NASP: variants seen among roughly 807,000 people sequenced by gnomAD.
The protein encoded by NASP is NASP histone chaperone.
NASP carries 24 observed loss-of-function variants against 89.5 expected under a neutral mutation model. The ratio of observed to expected loss-of-function variants is 0.27; its 90% CI spans 0.19 to 0.38. NASP has a LOEUF of 0.38. NASP is among the 10% of genes least tolerant of loss of function. The probability of loss-of-function intolerance (pLI) is 1.00; values close to 1 mark genes in which losing one functional copy is unlikely to be tolerated. For synonymous variants in NASP, 306 were observed against 324.7 expected, an observed-to-expected ratio of 0.94 and a Z score of 0.62; for missense variants, 848 against 921.4, an observed-to-expected ratio of 0.92 and a Z score of 1.03.
Position 45,616,661 on chromosome 1 carries a change from A to T in NASP, c.2115A>T (p.Ser705=), listed in dbSNP as rs181558072. The change falls in exon 13 of 15, where the codon TCA becomes TCT. Residue 705 remains serine (S), a synonymous_variant. Transcript: ENST00000350030. The part of the protein sequence containing the change: ...ASRKPTDGAS[S]SNCVTDISHL... ...GAAAGCCAACAGACGGTGCTTCCTC[A>T]TCAAATTGTGTGACTGATATTTCCC... The T allele has an allele frequency of 6.2e-7, 1 of 1,614,214 alleles. No individual in the cohort carries two copies. Among genetic ancestry groups the T allele is most frequent in the Admixed American group, 1.7e-5 (1 of 60,030 alleles).
Position 45,605,774 on chromosome 1 carries a change from GTT to G in NASP, c.300-690_300-689del, listed in dbSNP as rs66530330. The G allele has an allele frequency of 4.2e-3, 547 of 129,506 alleles. 1 individual carries two copies. Among genetic ancestry groups the G allele is most frequent in the African/African-American group, 0.011 (385 of 33,978 alleles). The allele number at this position is 129,506 out of a possible 1,614,324, so 8.0% of individuals were successfully genotyped here. On this transcript the variant is annotated intron_variant, in intron 4 of 14. Transcript: ENST00000350030. The stretch of plus-strand genomic sequence containing the variant: ...ACTGCGCCTGGCCCAGTTCTGATAA[GTT>G]TTTTTTTTTTTTTTTTTAAGACGGA...
chr1:45,589,449 T>C (rs146326480), intron 1 of NASP, among the ~76,000 whole-genome samples: 82 of 152,198 alleles, frequency 5.4e-4, no homozygotes, highest in East Asian at 4.6e-3. Flanking sequence ...AAAACGGCCT[T>C]CTCCAAACAA....
chr1:45,607,238 G>T, intron 5 of NASP, 83 bp from the exon 6 acceptor site: 1 of 1,398,468 alleles, frequency 7.2e-7, no homozygotes, highest in South Asian at 1.3e-5. Flanking sequence ...AGGGTTTAAA[G>T]GGAATGTATT....
At chr1:45,591,342 T>C in intron 2 of NASP, 72 bp downstream of exon 2, 2 of 1,041,082 alleles carry the variant, frequency 1.9e-6, no homozygotes, top group Non-Finnish European at 2.8e-6. Context: ...TTTAAAGTTA[T>C]TTTTATTTTT....
intron 4 of NASP, chr1:45,605,774 G>GTTT: frequency 7.0e-5 from 9 of 129,396 alleles, no homozygotes; most frequent in East Asian, 6.9e-4. Context: ...GTTCTGATAA[G>GTTT]TTTTTTTTTT....
chr1:45,602,916 C>T (rs925024404), intron 3 of NASP, among the ~76,000 whole-genome samples: 8 of 152,206 alleles, frequency 5.3e-5, no homozygotes, highest in African/African-American at 1.7e-4. Flanking sequence ...CAGGCATGAG[C>T]CACTGAGCCC....
At chr1:45,608,808 A>G (rs1053135201) in intron 6 of NASP, among the ~76,000 whole-genome samples, 3 of 152,184 alleles carry the variant, frequency 2.0e-5, no homozygotes, top group African/African-American at 7.2e-5. Context: ...AGTAGAATCC[A>G]CTGAATTGGT....
rs1189008449 is a variant in NASP at position 45,588,673 on chromosome 1, C to T, written c.60-2550C>T. On this transcript the variant is annotated intron_variant, in intron 1 of 14. Transcript: ENST00000350030. ...AAGAATGAGCGGCCGGGCGCGGTGG[C>T]TCACACCTGTAATCCAGCACTTTGG... The T allele has an allele frequency of 6.7e-6, 3 of 445,356 alleles. No homozygotes were observed. In the Admixed American group the frequency reaches 7.3e-5, roughly 11 times the overall value. 27.6% of individuals were successfully genotyped at this position (445,356 alleles called of 1,614,324 possible).
chr1:45,591,486 T>C (rs1180445124), intron 2 of NASP, among the ~76,000 whole-genome samples: 2 of 152,154 alleles, frequency 1.3e-5, no homozygotes, highest in Non-Finnish European at 2.9e-5. Context: ...CCTGAGTAGC[T>C]AGGACTATAG....
At chr1:45,613,047 T>C (rs951326489) in intron 6 of NASP, 122 bp from the exon 7 acceptor site, 8 of 1,351,192 alleles carry the variant, frequency 5.9e-6, no homozygotes, top group Non-Finnish European at 6.8e-6. Context: ...AGGTGTTAAC[T>C]CACTTGGATT....
chr1:45,615,407 T>C lies in NASP; in HGVS notation c.1958T>C (p.Ile653Thr), dbSNP rs1440240056. Residue 653 changes from isoleucine (I) to threonine (T), a missense_variant, in exon 11 of 15, where the codon ATA (isoleucine) becomes ACA (threonine). This residue lies in a region of NASP where 218 missense variants were observed against 219.6 expected (regional missense o/e 0.99). Coordinates refer to ENST00000350030, the MANE Select transcript of NASP (RefSeq NM_002482.4). ...KELLPEIREK[I>T]EDAKESQRSG... ...CTGCTACCCGAAATTAGAGAGAAGA[T>C]AGAAGATGCAAAGGAGTCTCAGCGT... 3.7e-6 allele frequency: 6 copies of C among 1,614,056 alleles called. No individual in the cohort carries two copies. Among genetic ancestry groups the C allele is most frequent in the African/African-American group, 1.3e-5 (1 of 74,928 alleles).
At position 45,586,270 on chromosome 1, in the gene NASP, GTGTGTGTGTGTGTGGTGTGTGTGTGTGT is replaced by G. The variant is rs1469360860; in HGVS notation, c.59+2066_59+2093del. Among the ~76,000 whole-genome samples, 478 of 62,352 alleles carry G rather than the reference GTGTGTGTGTGTGTGGTGTGTGTGTGTGT, an allele frequency of 7.7e-3. 4 individuals carry two copies. The highest frequency in any genetic ancestry group is 0.01 in the Non-Finnish European group (306 of 29,878). 40.9% of individuals were successfully genotyped at this position (62,352 alleles called of 152,430 possible). A position where few individuals can be genotyped will look rare whatever the true frequency, so the allele number is the denominator to read the frequency against. ...TGTGTGTGTGTGTGTGTGTGTGTGT[GTGTGTGTGTGTGTGGTGTGTGTGTGTGT>G]GTGTGTGTGTGGTGTGTGTGTGTGT... On this transcript the variant is annotated intron_variant, in intron 1 of 14. Coordinates refer to ENST00000350030, the MANE Select transcript of NASP (RefSeq NM_002482.4).
chr1:45,594,434 G>T (rs991808536), intron 2 of NASP, among the ~76,000 whole-genome samples: 28 of 152,092 alleles, frequency 1.8e-4, no homozygotes, highest in African/African-American at 5.1e-4. Context: ...ACTTTCAAGG[G>T]GGTTACTCAT....
chr1:45,595,636 G>T (rs1261746051), intron 2 of NASP, among the ~76,000 whole-genome samples: 1 of 152,204 alleles, frequency 6.6e-6, no homozygotes, highest in East Asian at 1.9e-4. Context: ...CACTGGCAGT[G>T]ATTGTGCAAA....
chr1:45,606,879 C>G (rs1193825809), intron 5 of NASP, among the ~76,000 whole-genome samples: 1 of 152,218 alleles, frequency 6.6e-6, no homozygotes, highest in East Asian at 1.9e-4. Context: ...AATACTATTA[C>G]AACCTTAAGT....
At chr1:45,617,140 G>A in intron 13 of NASP, 1 of 318,560 alleles carries the variant, frequency 3.1e-6, no homozygotes, top group Non-Finnish European at 5.8e-6. Context: ...ACTGCCCTCA[G>A]CCAGGGAACT....
chr1:45,617,326 G>A, intron 13 of NASP, 137 bp from the exon 14 acceptor site: 1 of 994,868 alleles, frequency 1.0e-6, no homozygotes, highest in Admixed American at 2.4e-5. Flanking sequence ...TCTGCCTGTG[G>A]CTAGGGAGAG....
chr1:45,599,106 GAGAA>G (rs1168878259), intron 2 of NASP, among the ~76,000 whole-genome samples: 7 of 151,814 alleles, frequency 4.6e-5, no homozygotes, highest in Admixed American at 2.0e-4. Flanking sequence ...TTTTTAAATA[GAGAA>G]AGAGTGTTTT....
intron 1 of NASP, among the ~76,000 whole-genome samples, chr1:45,590,172 C>CT (rs1643496589): frequency 6.6e-6 from 1 of 152,110 alleles, no homozygotes; most frequent in African/African-American, 2.4e-5. Context: ...TTTAATTCAT[C>CT]TTTTTTTCCA....
Sources: allele counts gnomAD v4.1 joint callset (sites outside exome capture counted in the v4.1 genomes callset), GRCh38; gene constraint gnomAD v4.1.1; regional missense constraint gnomAD v4.1.1; transcripts MANE v1.5; gene names NCBI Gene and HGNC (gene_info 2026-07-23, HGNC 2026-07-21).